MAGI2: variants seen among roughly 807,000 people sequenced by gnomAD.
MAGI2 encodes membrane-associated guanylate kinase, WW and PDZ domain-containing protein 2.
A neutral mutation model predicts 133.3 loss-of-function variants in MAGI2; 35 were observed. That is an observed-to-expected ratio of 0.26 (90% CI 0.20 to 0.35). The LOEUF (loss-of-function observed/expected upper bound fraction) is 0.35. MAGI2 is among the 10% of genes least tolerant of loss of function. The pLI, the probability that MAGI2 is intolerant of heterozygous loss-of-function variation, is 1.00. For missense variants in MAGI2, 1,636 were observed against 1,863.4 expected, an observed-to-expected ratio of 0.88 and a Z score of 2.25; for synonymous variants, 729 against 710.6, an observed-to-expected ratio of 1.03 and a Z score of -0.41.
chr7:79,306,324 GTA>G (rs4020441), intron 1 of MAGI2, among the ~76,000 whole-genome samples: 14 of 143,308 alleles, frequency 9.8e-5, no homozygotes, highest in African/African-American at 1.8e-4. Flanking sequence ...ATATATATGT[GTA>G]TATATATATA....
intron 2 of MAGI2, among the ~76,000 whole-genome samples, chr7:78,749,037 T>G (rs902459180): frequency 6.6e-6 from 1 of 152,188 alleles, no homozygotes; most frequent in Non-Finnish European, 1.5e-5. Context: ...AAGGCATGGT[T>G]GTGGGAGAGA....
chr7:78,286,500 T>C lies in MAGI2; in HGVS notation c.1409-29919A>G, dbSNP rs561998195. ...ACGTGACCTTTGTTTTGAGTAGGAA[T>C]TGGCAAGTTAAAGGGGAGGGTAAGA... On this transcript the variant is annotated intron_variant, in intron 9 of 21. Transcript: ENST00000354212. Among the ~76,000 whole-genome samples the C allele has an allele frequency of 2.6e-5, 4 of 152,238 alleles. No homozygotes were observed. In the East Asian group the frequency reaches 5.8e-4, roughly 22 times the overall value.
intron 3 of MAGI2, among the ~76,000 whole-genome samples, chr7:78,596,330 T>A (rs1343366955): frequency 6.6e-6 from 1 of 152,058 alleles, no homozygotes; most frequent in Non-Finnish European, 1.5e-5. Flanking sequence ...TGAAGTGTAG[T>A]TCCTTTTTAT....
chr7:79,118,631 A>G (rs940115808), intron 1 of MAGI2, among the ~76,000 whole-genome samples: 4 of 152,150 alleles, frequency 2.6e-5, no homozygotes, highest in African/African-American at 9.7e-5. Context: ...TGTTTATATA[A>G]CATTCCAAAT....
chr7:78,916,652 A>G (rs1584382388), intron 2 of MAGI2, among the ~76,000 whole-genome samples: 1 of 152,164 alleles, frequency 6.6e-6, no homozygotes, highest in African/African-American at 2.4e-5. Context: ...AGCAGAAAGG[A>G]TGGAGTAAAG....
chr7:78,173,201 G>A (rs1826273466), intron 14 of MAGI2, among the ~76,000 whole-genome samples: 1 of 152,228 alleles, frequency 6.6e-6, no homozygotes, highest in Admixed American at 6.5e-5. Flanking sequence ...CTGGGAACTT[G>A]TGTACAAACC....
intron 10 of MAGI2, among the ~76,000 whole-genome samples, chr7:78,215,004 G>A (rs1788127490): frequency 6.6e-6 from 1 of 152,126 alleles, no homozygotes; most frequent in South Asian, 2.1e-4. Context: ...ATCACCAAGA[G>A]GAACCTTACT....
chr7:79,266,083 A>G (rs1834435896), intron 1 of MAGI2, among the ~76,000 whole-genome samples: 1 of 152,100 alleles, frequency 6.6e-6, no homozygotes, highest in South Asian at 2.1e-4. Flanking sequence ...TACTTCATGC[A>G]GTTACAAGGA....
At position 78,256,331 on chromosome 7, in the gene MAGI2, C is replaced by T; in HGVS notation, c.1659G>A (p.Arg553=). Residue 553 remains arginine, a synonymous_variant, in exon 10 of 22, where the codon CGG becomes CGA. Transcript: ENST00000354212. ...TTATATCTGGAACTGACTGTGAGGT[C>T]CGAGAAATGTACTCCAAATATGTTT... The part of the protein sequence containing the change: ...NYETYLEYIS[R]TSQSVPDITD... 6.2e-7 allele frequency: 1 copy of T among 1,614,024 alleles called. No individual in the cohort carries two copies.
intron 1 of MAGI2, among the ~76,000 whole-genome samples, chr7:79,228,356 A>AAAAAAAAAAAAAAAAAAAG: frequency 7.9e-6 from 1 of 125,990 alleles, no homozygotes; most frequent in Non-Finnish European, 1.7e-5. Flanking sequence ...AAAACAGGCA[A>AAAAAAAAAAAAAAAAAAAG]AAAAAAAAAA....
intron 2 of MAGI2, among the ~76,000 whole-genome samples, chr7:78,876,828 TG>T (rs1795462077): frequency 6.6e-6 from 1 of 152,216 alleles, no homozygotes; most frequent in Admixed American, 6.5e-5. Flanking sequence ...TCATTGAAGA[TG>T]AAATATTTAC....
rs577605991 is a variant in MAGI2, at chr7:78,416,712, A to G, written c.1046-47499T>C. ...CTTTTGGGAAGTGATTAAGTCATAA[A>G]GCCTCCACCTTTGTGAATGGAATAC... On this transcript the variant is annotated intron_variant, in intron 6 of 21. Transcript: ENST00000354212. 6.4e-4 allele frequency among the ~76,000 whole-genome samples: 97 copies of G among 152,262 alleles called. No individual in the cohort carries two copies. In the South Asian group the frequency reaches 0.019, roughly 29 times the overall value.
chr7:79,129,986 T>A (rs1820770380), intron 1 of MAGI2, among the ~76,000 whole-genome samples: 1 of 152,106 alleles, frequency 6.6e-6, no homozygotes, highest in African/African-American at 2.4e-5. Flanking sequence ...TCACGGTTAT[T>A]TATTTTTGGA....
intron 3 of MAGI2, among the ~76,000 whole-genome samples, chr7:78,555,171 A>AATAC (rs1231673439): frequency 2.2e-5 from 1 of 45,338 alleles, no homozygotes; most frequent in Non-Finnish European, 8.1e-5. Context: ...TAAATAAATA[A>AATAC]ATGAATGATA....
chr7:79,416,261 T>C (rs1846502333), intron 1 of MAGI2, among the ~76,000 whole-genome samples: 1 of 151,684 alleles, frequency 6.6e-6, no homozygotes, highest in Non-Finnish European at 1.5e-5. Context: ...GTTCTAAAAG[T>C]GAGGGAGGGT....
intron 2 of MAGI2, among the ~76,000 whole-genome samples, chr7:78,898,001 C>T (rs1797339611): frequency 6.6e-6 from 1 of 152,100 alleles, no homozygotes; most frequent in African/African-American, 2.4e-5. Flanking sequence ...AGAAAAATAA[C>T]AAAGAACCCT....
chr7:78,717,260 A>G (rs1043919220), intron 2 of MAGI2, among the ~76,000 whole-genome samples: 1 of 135,066 alleles, frequency 7.4e-6, no homozygotes, highest in Non-Finnish European at 1.6e-5. Flanking sequence ...CATGGAAGTT[A>G]TACCACACAA....
chr7:78,741,447 T>C (rs989289917), intron 2 of MAGI2, among the ~76,000 whole-genome samples: 1 of 145,040 alleles, frequency 6.9e-6, no homozygotes, highest in Non-Finnish European at 1.5e-5. Flanking sequence ...GGTTAGATCA[T>C]AAAAGGCCTT....
At chr7:78,522,465 G>A (rs531876088) in intron 3 of MAGI2, among the ~76,000 whole-genome samples, 8 of 152,236 alleles carry the variant, frequency 5.3e-5, no homozygotes, top group African/African-American at 1.4e-4. Flanking sequence ...TGATACCTCC[G>A]CCTCCTAGGT....
Sources: gnomAD v4.1 joint callset for allele counts (sites outside exome capture counted in the v4.1 genomes callset) on GRCh38, gnomAD v4.1.1 for gene constraint, MANE v1.5 for transcripts, NCBI Gene and HGNC (gene_info 2026-07-23, HGNC 2026-07-21) for gene names.